The following LRRC61 variants were observed in gnomAD, a reference collection of about 807,000 sequenced individuals.
LRRC61 encodes leucine-rich repeat-containing protein 61.
LRRC61 carries 9 observed loss-of-function variants against 15.1 expected under a neutral mutation model. The ratio of observed to expected loss-of-function variants is 0.60; its 90% CI spans 0.36 to 1.04. The LOEUF (loss-of-function observed/expected upper bound fraction) is 1.04. Ranked by LOEUF, LRRC61 falls within the 50% of genes least tolerant of loss-of-function variation. LRRC61 has a pLI of 0.01. For missense variants in LRRC61, 344 were observed against 335.6 expected (o/e 1.03, Z -0.20); for synonymous variants, 173 against 158.6 (o/e 1.09, Z -0.68).
intron 2 of LRRC61, chr7:150,334,119 G>C (rs1798204240): frequency 1.0e-6 from 1 of 985,202 alleles, no homozygotes. Context: ...GCCTGCCTCT[G>C]TCTGCCTGCT....
At position 150,338,155 on chromosome 7, in the gene LRRC61, C is replaced by T. The variant is rs746492841; in HGVS notation, c.*514C>T. 11 of 844,888 alleles carry T rather than the reference C, an allele frequency of 1.3e-5. No homozygotes were observed. The highest frequency in any genetic ancestry group is 1.7e-5 in the South Asian group (1 of 59,870). The allele number at this position is 844,888 out of a possible 1,614,324, so 52.3% of individuals were successfully genotyped here. A position where few individuals can be genotyped will look rare whatever the true frequency, so the allele number is the denominator to read the frequency against. On this transcript the variant is annotated 3_prime_UTR_variant, in exon 3 of 3. Coordinates refer to ENST00000359623, the MANE Select transcript of LRRC61 (RefSeq NM_001142928.2). Reference sequence around the variant, plus strand: ...TATTAAATGCTTCTGTTTTCATTTGCATCCCTGCCTGGCATTTCATGGGGG... The same window carrying T: ...TATTAAATGCTTCTGTTTTCATTTGTATCCCTGCCTGGCATTTCATGGGGG...
At chr7:150,331,473 G>C (rs1798107072) in intron 2 of LRRC61, 2 of 221,412 alleles carry the variant, frequency 9.0e-6, no homozygotes, top group Non-Finnish European at 1.9e-5. Context: ...TTTCTCACTT[G>C]ACAGATTGCC....
At chr7:150,312,642 G>A in the LRRC61 span, among the ~76,000 whole-genome samples, 2 of 152,184 alleles carry the variant, frequency 1.3e-5, no homozygotes, top group South Asian at 2.1e-4. Context: ...CCTTAGACCC[G>A]AAACTTACTA....
chr7:150,331,209 C>A, intron 2 of LRRC61: 3 of 1,282,710 alleles, frequency 2.3e-6, no homozygotes, highest in African/African-American at 1.5e-5. Flanking sequence ...TCTTGAAGGC[C>A]AACCTGGAGC....
chr7:150,323,423 G>A lies in LRRC61; in HGVS notation c.-452G>A, dbSNP rs1797774709. On this transcript the variant is annotated 5_prime_UTR_variant, in exon 1 of 3. Transcript: ENST00000359623. ...GTTGGGTGGTGGGCACGCGGCCCAGGGGTCAGGGGCCGCCAGGCGGCGGGC... is the reference window on the plus strand; with the variant it reads ...GTTGGGTGGTGGGCACGCGGCCCAGAGGTCAGGGGCCGCCAGGCGGCGGGC... The A allele has an allele frequency of 3.0e-6, 1 of 330,416 alleles. No individual in the cohort carries two copies. Among genetic ancestry groups the A allele is most frequent in the South Asian group, 2.2e-5 (1 of 45,428 alleles). 20.5% of individuals were successfully genotyped at this position (330,416 alleles called of 1,614,324 possible).
At chr7:150,332,019 G>A (rs762154374) in intron 2 of LRRC61, 2 of 167,098 alleles carry the variant, frequency 1.2e-5, no homozygotes. Context: ...TACTGGAAAC[G>A]TTGGGGTTTC....
rs1347490405 is a variant in LRRC61, at chr7:150,337,207, C to T, written c.346C>T (p.Gln116Ter). 6.2e-7 allele frequency: 1 copy of T among 1,605,964 alleles called. No individual in the cohort carries two copies. Among genetic ancestry groups the T allele is most frequent in the African/African-American group, 1.3e-5 (1 of 74,950 alleles). The change falls in exon 3 of 3, where the codon CAG becomes TAG. Residue 116 changes from glutamine to a stop codon, truncating the protein, a stop_gained. Transcript: ENST00000359623. LOFTEE classifies it high-confidence loss of function. ...GNLLATPGQL[Q>*]CLAGLPCLEY... Reference sequence around the variant, plus strand: ...CCTACTGGCCACCCCGGGCCAGCTGCAGTGTCTGGCTGGGCTACCGTGCCT... The same window carrying T: ...CCTACTGGCCACCCCGGGCCAGCTGTAGTGTCTGGCTGGGCTACCGTGCCT...
At chr7:150,309,764 G>A in the LRRC61 span, among the ~76,000 whole-genome samples, 1 of 152,202 alleles carries the variant, frequency 6.6e-6, no homozygotes. Flanking sequence ...GGCCCCTGGA[G>A]CTCTGGATCA....
intron 1 of LRRC61, 107 bp from the exon 2 acceptor site, chr7:150,325,734 A>G (rs1176615540): frequency 1.3e-5 from 2 of 152,338 alleles, no homozygotes; most frequent in African/African-American, 4.8e-5. Context: ...GGCTTCCCAA[A>G]GTGCTAGGAT....
At chr7:150,321,699 C>CA (rs1200405864), upstream of LRRC61, among the ~76,000 whole-genome samples, 33 of 152,242 alleles carry the variant, frequency 2.2e-4, no homozygotes, top group Admixed American at 1.6e-3. Flanking sequence ...GAGATCACAC[C>CA]ACTGCACTCC....
chr7:150,320,319 T>C (rs2108854), upstream of LRRC61, among the ~76,000 whole-genome samples: 38,761 of 152,202 alleles, frequency 0.25, 5,158 homozygotes, highest in East Asian at 0.42. Context: ...GTGTAGGATA[T>C]TAGAGCTAAG....
At chr7:150,319,143 C>T (rs574648820), upstream of LRRC61, among the ~76,000 whole-genome samples, 9 of 152,126 alleles carry the variant, frequency 5.9e-5, no homozygotes, top group South Asian at 2.1e-4. Flanking sequence ...GGAAAATCCC[C>T]GGTTCCAAGT....
intron 2 of LRRC61, among the ~76,000 whole-genome samples, chr7:150,326,682 G>GA (rs34287911): frequency 0.016 from 2,114 of 130,428 alleles, 43 homozygotes; most frequent in African/African-American, 0.046. Flanking sequence ...GACCCAGTCT[G>GA]AAAAAAAAAA....
chr7:150,322,294 T>C (rs1274165899), upstream of LRRC61, among the ~76,000 whole-genome samples: 1 of 152,190 alleles, frequency 6.6e-6, no homozygotes, highest in Admixed American at 6.5e-5. Flanking sequence ...AGGTTAGGCA[T>C]TCTAAGTCAC....
At position 150,335,939 on chromosome 7, in the gene LRRC61, G is replaced by A. The variant is rs933478202; in HGVS notation, c.-144-779G>A. The stretch of plus-strand genomic sequence containing the variant: ...GCCTGCCCTTTGGGAAATTTATGTT[G>A]TCTTTGCAGCTGGCACCGTGCTGTC... On this transcript the variant is annotated intron_variant, in intron 2 of 2. Coordinates refer to ENST00000359623, the MANE Select transcript of LRRC61 (RefSeq NM_001142928.2). This position sits in a 1 kb window ranked among gnomAD's most constrained non-coding sequence, Gnocchi z 4.3. Among the ~76,000 whole-genome samples, 2 of 152,186 alleles carry A rather than the reference G, an allele frequency of 1.3e-5. No homozygotes were observed. The highest frequency in any genetic ancestry group is 4.8e-5 in the African/African-American group (2 of 41,434).
chr7:150,311,613 C>T, the LRRC61 span, among the ~76,000 whole-genome samples: 1 of 152,222 alleles, frequency 6.6e-6, no homozygotes, highest in African/African-American at 2.4e-5. Context: ...TCCTGAGCCA[C>T]ATGACTGTAT....
At chr7:150,319,508 A>C (rs1262699156), upstream of LRRC61, among the ~76,000 whole-genome samples, 1 of 152,150 alleles carries the variant, frequency 6.6e-6, no homozygotes, top group African/African-American at 2.4e-5. Flanking sequence ...CGCCTGGCCC[A>C]GAACAAACTT....
chr7:150,320,631 C>A (rs947733401), upstream of LRRC61, among the ~76,000 whole-genome samples: 1 of 152,106 alleles, frequency 6.6e-6, no homozygotes, highest in Non-Finnish European at 1.5e-5. Context: ...GGTAAAGTGG[C>A]GCACATCTGT....
intron 2 of LRRC61, among the ~76,000 whole-genome samples, chr7:150,336,297 T>C (rs1236784882): frequency 6.6e-6 from 1 of 152,196 alleles, no homozygotes; most frequent in African/African-American, 2.4e-5. Context: ...TATACATTGA[T>C]TATCCCAGAA....
Sources: gnomAD v4.1 joint callset for allele counts (sites outside exome capture counted in the v4.1 genomes callset) on GRCh38, gnomAD v4.1.1 for gene constraint, Gnocchi (gnomAD v3.1) non-coding constraint, MANE v1.5 for transcripts, NCBI Gene and HGNC (gene_info 2026-07-23, HGNC 2026-07-21) for gene names.